The following OMA1 variants were observed in gnomAD, a reference collection of about 807,000 sequenced individuals.
OMA1 encodes the protein OMA1 zinc metallopeptidase, also known as metalloendopeptidase OMA1, mitochondrial.
A neutral mutation model predicts 30.9 loss-of-function variants in OMA1; 38 were observed. That is an observed-to-expected ratio of 1.23 (90% CI 0.95 to 1.61). OMA1 has a LOEUF of 1.61. Ranked by LOEUF, OMA1 falls within the 40% of genes most tolerant of loss-of-function variation. The probability of loss-of-function intolerance (pLI) is 0.00; values close to 1 mark genes in which losing one functional copy is unlikely to be tolerated. For synonymous variants in OMA1, 173 were observed against 121.9 expected (o/e 1.42, Z -2.76); for missense variants, 461 against 349.2 (o/e 1.32, Z -2.55).
intron 7 of OMA1, among the ~76,000 whole-genome samples, chr1:58,508,460 A>G (rs1205613969): frequency 6.6e-6 from 1 of 152,158 alleles, no homozygotes; most frequent in African/African-American, 2.4e-5. Flanking sequence ...CTGCACCTGC[A>G]CAAGTACGAA....
chr1:58,543,475 T>C lies in OMA1; in HGVS notation c.-17+3228A>G, dbSNP rs1259860013. On this transcript the variant is annotated intron_variant, in intron 1 of 8. Coordinates refer to ENST00000371226, the MANE Select transcript of OMA1 (RefSeq NM_145243.5). Reference sequence around the variant, plus strand: ...CCTCCTTCTTATCTCATTCTAGCCTTTCCTGGGCTCTGTGGTCTTATGGTG... The same window carrying C: ...CCTCCTTCTTATCTCATTCTAGCCTCTCCTGGGCTCTGTGGTCTTATGGTG... 2.6e-5 allele frequency among the ~76,000 whole-genome samples: 4 copies of C among 152,178 alleles called. No homozygotes were observed. In the East Asian group the frequency reaches 5.8e-4, roughly 22 times the overall value.
At chr1:58,541,293 CAAAAAAAAAAAAAAAAAAAAAAAAA>C (rs71043292) in intron 1 of OMA1, among the ~76,000 whole-genome samples, 368 of 27,578 alleles carry the variant, frequency 0.013, 9 homozygotes, top group Non-Finnish European at 0.021. Flanking sequence ...GACTCTGTCT[CAAAAAAAAAAAAAAAAAAAAAAAAA>C]AAAAAAAAAA....
At chr1:58,506,589 T>C (rs1423827809) in intron 7 of OMA1, among the ~76,000 whole-genome samples, 1 of 152,192 alleles carries the variant, frequency 6.6e-6, no homozygotes, top group Non-Finnish European at 1.5e-5. Context: ...ATAACCCTGC[T>C]AACCAAAGAT....
rs1461432588 is a variant in OMA1, at chr1:58,541,320, A to C, written c.-16-2010T>G. 2.3e-5 allele frequency among the ~76,000 whole-genome samples: 3 copies of C among 131,328 alleles called. No homozygotes were observed. The South Asian group carries it at 7.1e-4, about 31-fold the overall frequency. The allele number at this position is 131,328 out of a possible 152,430, so 86.2% of individuals were successfully genotyped here. A position where few individuals can be genotyped will look rare whatever the true frequency, so the allele number is the denominator to read the frequency against. On this transcript the variant is annotated intron_variant, in intron 1 of 8. Coordinates refer to ENST00000371226, the MANE Select transcript of OMA1 (RefSeq NM_145243.5). ...AAAAAAAAAAAAAAAAAAAAAAAAA[A>C]AAAAAAAAAAAAACAGGAAAAACAC...
intron 8 of OMA1, among the ~76,000 whole-genome samples, chr1:58,505,145 T>A (rs1160864263): frequency 1.3e-5 from 2 of 152,056 alleles, no homozygotes; most frequent in Non-Finnish European, 2.9e-5. Flanking sequence ...AGAGACAGGG[T>A]TTCACCCCGT....
chr1:58,483,678 A>G (rs1420916028), intron 8 of OMA1, among the ~76,000 whole-genome samples: 1 of 152,212 alleles, frequency 6.6e-6, no homozygotes, highest in Non-Finnish European at 1.5e-5. Flanking sequence ...AAGTAAACAG[A>G]AAGTCAGATC....
chr1:58,482,727 T>C (rs1645509629), intron 8 of OMA1, among the ~76,000 whole-genome samples: 1 of 152,042 alleles, frequency 6.6e-6, no homozygotes, highest in Non-Finnish European at 1.5e-5. Flanking sequence ...AAAGAGACCA[T>C]GTGGCAACCT....
intron 1 of OMA1, among the ~76,000 whole-genome samples, chr1:58,541,961 A>C (rs1646629973): frequency 6.6e-6 from 1 of 152,218 alleles, no homozygotes; most frequent in Non-Finnish European, 1.5e-5. Context: ...GGGGAAAAAA[A>C]TATGTAAACT....
intron 8 of OMA1, among the ~76,000 whole-genome samples, chr1:58,485,719 C>A (rs1195444367): frequency 1.4e-4 from 22 of 151,916 alleles, no homozygotes; most frequent in Admixed American, 1.4e-3. Flanking sequence ...CAAAAGTGAG[C>A]AAAATTTTCC....
intron 8 of OMA1, among the ~76,000 whole-genome samples, chr1:58,492,763 G>A (rs1645720571): frequency 2.0e-5 from 3 of 152,084 alleles, no homozygotes; most frequent in Non-Finnish European, 4.4e-5. Context: ...CTGAAATTGG[G>A]GCAATAATTA....
intron 6 of OMA1, among the ~76,000 whole-genome samples, chr1:58,529,043 T>A (rs1233954115): frequency 1.3e-5 from 2 of 152,192 alleles, no homozygotes; most frequent in Non-Finnish European, 2.9e-5. Context: ...CCACATTAAT[T>A]CTTTTAATTT....
chr1:58,519,312 T>A (rs377496767), intron 7 of OMA1, among the ~76,000 whole-genome samples: 74 of 152,292 alleles, frequency 4.9e-4, no homozygotes, highest in African/African-American at 1.8e-3. Flanking sequence ...AGGCATGAAA[T>A]GTATAGTAAT....
At chr1:58,518,250 AGG>A (rs1646193323) in intron 7 of OMA1, among the ~76,000 whole-genome samples, 4 of 16,074 alleles carry the variant, frequency 2.5e-4, no homozygotes, top group African/African-American at 3.7e-4. Flanking sequence ...GAGAGGGGAG[AGG>A]GGAGAGGGGA....
chr1:58,509,086 T>C (rs888098912), intron 7 of OMA1, among the ~76,000 whole-genome samples: 8 of 152,128 alleles, frequency 5.3e-5, no homozygotes, highest in African/African-American at 1.7e-4. Flanking sequence ...TCTTCTCCTG[T>C]ACAAAGACAG....
At chr1:58,491,577 A>T (rs1439999863) in intron 8 of OMA1, among the ~76,000 whole-genome samples, 1 of 152,138 alleles carries the variant, frequency 6.6e-6, no homozygotes, top group Non-Finnish European at 1.5e-5. Flanking sequence ...AAGATCTACC[A>T]AGCAAATGGA....
At chr1:58,481,948 G>A (rs1162732572) in intron 8 of OMA1, among the ~76,000 whole-genome samples, 3 of 152,176 alleles carry the variant, frequency 2.0e-5, no homozygotes, top group African/African-American at 7.2e-5. Context: ...CTAGTCTCAG[G>A]TATGTTTCAT....
chr1:58,540,711 A>G (rs536943734), intron 1 of OMA1, among the ~76,000 whole-genome samples: 23 of 145,522 alleles, frequency 1.6e-4, no homozygotes, highest in African/African-American at 4.3e-4. Flanking sequence ...AAAAAATACA[A>G]TAATAAAAAA....
At chr1:58,544,618 G>T (rs1417554704) in intron 1 of OMA1, among the ~76,000 whole-genome samples, 1 of 152,124 alleles carries the variant, frequency 6.6e-6, no homozygotes, top group African/African-American at 2.4e-5. Context: ...TCGAGACAGG[G>T]TCTCACTTTG....
In OMA1 at chr1:58,536,852, T is replaced by C. The variant is rs539672283; in HGVS notation, c.501-111A>G. 51 of 661,730 alleles carry C rather than the reference T, an allele frequency of 7.7e-5. 1 individual carries two copies. The South Asian group carries it at 8.3e-4, about 11-fold the overall frequency. The allele number at this position is 661,730 out of a possible 1,614,324, so 41.0% of individuals were successfully genotyped here. Reference sequence around the variant, plus strand: ...TCCTCAAATACCTGAATTTGTATGATGTATTTCGCTGAATACATCGCTTTT... The same window carrying C: ...TCCTCAAATACCTGAATTTGTATGACGTATTTCGCTGAATACATCGCTTTT... On this transcript the variant is annotated intron_variant, in intron 2 of 8. Coordinates refer to ENST00000371226, the MANE Select transcript of OMA1 (RefSeq NM_145243.5).
Sources: gnomAD v4.1 joint callset for allele counts (sites outside exome capture counted in the v4.1 genomes callset) on GRCh38, gnomAD v4.1.1 for gene constraint, MANE v1.5 for transcripts, NCBI Gene and HGNC (gene_info 2026-07-23, HGNC 2026-07-21) for gene names.